The following LPP variants were observed in gnomAD, a reference collection of about 807,000 sequenced individuals.
LPP encodes lipoma-preferred partner.
Under a neutral mutation model 60.4 loss-of-function variants are expected in LPP, and 38 were observed. That is an observed-to-expected ratio of 0.63 (90% CI 0.49 to 0.83). The LOEUF (loss-of-function observed/expected upper bound fraction) is 0.83. LPP is among the 40% of genes least tolerant of loss of function. The probability of loss-of-function intolerance (pLI) is 0.00; values close to 1 mark genes in which losing one functional copy is unlikely to be tolerated. For missense variants in LPP, 902 were observed against 783.6 expected, an observed-to-expected ratio of 1.15 and a Z score of -1.80; for synonymous variants, 328 against 290.8, an observed-to-expected ratio of 1.13 and a Z score of -1.30.
chr3:188,693,468 G>C (rs748628812), intron 7 of LPP, among the ~76,000 whole-genome samples: 9 of 152,098 alleles, frequency 5.9e-5, no homozygotes, highest in African/African-American at 7.2e-5. Flanking sequence ...TCTCTGAAAG[G>C]CATGTTATTT....
At chr3:188,787,798 C>T (rs1742422872) in intron 9 of LPP, among the ~76,000 whole-genome samples, 1 of 152,138 alleles carries the variant, frequency 6.6e-6, no homozygotes, top group African/African-American at 2.4e-5. Flanking sequence ...ATCTGTACTC[C>T]TGAGTTATTT....
At position 188,419,371 on chromosome 3, in the gene LPP, T is replaced by C. The variant is rs370971231; in HGVS notation, c.193+13058T>C. Among the ~76,000 whole-genome samples the C allele has an allele frequency of 2.3e-4, 35 of 152,278 alleles. No individual in the cohort carries two copies. The East Asian group carries it at 3.1e-3, about 13-fold the overall frequency. ...ATAAAGCTTTACTGTACAGCTTCTA[T>C]TTGTGAAGTGACTCCATGGCTAACT... On this transcript the variant is annotated intron_variant, in intron 4 of 11. Coordinates refer to ENST00000617246, the MANE Select transcript of LPP (RefSeq NM_001375462.1).
At chr3:188,198,890 A>G (rs13075345) in intron 1 of LPP, among the ~76,000 whole-genome samples, 2,305 of 152,234 alleles carry the variant, frequency 0.015, 26 homozygotes, top group Non-Finnish European at 0.021. Context: ...CTTTGTTCCA[A>G]TTGTTTATTA....
intron 6 of LPP, among the ~76,000 whole-genome samples, chr3:188,550,839 T>C (rs1273930387): frequency 6.6e-6 from 1 of 152,080 alleles, no homozygotes; most frequent in African/African-American, 2.4e-5. Context: ...GCCTAACCCA[T>C]AGGGTTATGT....
At chr3:188,671,505 C>T (rs73196728) in intron 7 of LPP, among the ~76,000 whole-genome samples, 21,791 of 152,140 alleles carry the variant, frequency 0.14, 2,041 homozygotes, top group Non-Finnish European at 0.21. Context: ...GCCTTCCCCT[C>T]CCCCTTTCCC....
At chr3:188,570,517 A>G (rs556855198) in intron 6 of LPP, among the ~76,000 whole-genome samples, 66 of 152,156 alleles carry the variant, frequency 4.3e-4, no homozygotes, top group Non-Finnish European at 5.6e-4. Context: ...TTAAAGGACA[A>G]TTGGTCTCAG....
chr3:188,240,398 A>G (rs1723852498), intron 2 of LPP, among the ~76,000 whole-genome samples: 3 of 151,680 alleles, frequency 2.0e-5, no homozygotes, highest in East Asian at 1.9e-4. Context: ...AGAGAGAGAA[A>G]GAGGTAAAGA....
intron 2 of LPP, among the ~76,000 whole-genome samples, chr3:188,274,911 A>G (rs778020505): frequency 6.6e-6 from 1 of 152,242 alleles, no homozygotes; most frequent in Non-Finnish European, 1.5e-5. Flanking sequence ...CTATCTAGGA[A>G]TTAATCCTTC....
intron 7 of LPP, among the ~76,000 whole-genome samples, chr3:188,662,317 G>A (rs570107318): frequency 5.0e-4 from 76 of 152,288 alleles, no homozygotes; most frequent in Middle Eastern, 3.4e-3. Flanking sequence ...CCTTTATCCT[G>A]ATGGGTTCAA....
In LPP at chr3:188,519,573, C is replaced by G. The variant is rs139577737; in HGVS notation, c.307-5092C>G. 3.2e-4 allele frequency among the ~76,000 whole-genome samples: 49 copies of G among 152,170 alleles called. No individual in the cohort carries two copies. The East Asian group carries it at 7.7e-3, about 24-fold the overall frequency. The stretch of plus-strand genomic sequence containing the variant: ...TGAGTATGGGTGATATTAGATAATA[C>G]TGTTTCTATGTTAAATTTCTCCAGT... On this transcript the variant is annotated intron_variant, in intron 5 of 11. Transcript: ENST00000617246.
At chr3:188,529,558 G>T (rs1441177076) in intron 6 of LPP, among the ~76,000 whole-genome samples, 1 of 152,026 alleles carries the variant, frequency 6.6e-6, no homozygotes, top group African/African-American at 2.4e-5. Context: ...TGAAAAATGT[G>T]AGCTCTTGAA....
intron 9 of LPP, among the ~76,000 whole-genome samples, chr3:188,804,277 A>ATATATATATATATATATATATATG (rs1388317207): frequency 4.8e-5 from 6 of 126,140 alleles, no homozygotes; most frequent in South Asian, 5.1e-4. Context: ...ATATATATAT[A>ATATATATATATATATATATATATG]TATATAAAAT....
intron 3 of LPP, among the ~76,000 whole-genome samples, chr3:188,360,116 C>T (rs1768833118): frequency 6.6e-6 from 1 of 152,174 alleles, no homozygotes; most frequent in African/African-American, 2.4e-5. Flanking sequence ...TCACTTTCCC[C>T]CCTTCTGTTA....
At chr3:188,666,039 A>G (rs1327675959) in intron 7 of LPP, among the ~76,000 whole-genome samples, 1 of 152,222 alleles carries the variant, frequency 6.6e-6, no homozygotes, top group South Asian at 2.1e-4. Context: ...ATTCTTATTC[A>G]TTTATCCAGT....
At chr3:188,449,582 A>G (rs1006906163) in intron 4 of LPP, among the ~76,000 whole-genome samples, 2 of 152,106 alleles carry the variant, frequency 1.3e-5, no homozygotes, top group African/African-American at 4.8e-5. Context: ...TGAGACACAA[A>G]GAAAGTAACT....
At chr3:188,340,373 C>T (rs548444970) in intron 2 of LPP, among the ~76,000 whole-genome samples, 2 of 148,206 alleles carry the variant, frequency 1.3e-5, no homozygotes, top group Admixed American at 1.3e-4. Context: ...AAGTTTCTTG[C>T]AGGGCATCTG....
intron 4 of LPP, among the ~76,000 whole-genome samples, chr3:188,411,290 G>A (rs1784829039): frequency 6.6e-6 from 1 of 152,094 alleles, no homozygotes; most frequent in African/African-American, 2.4e-5. Flanking sequence ...ATGGTGAAAA[G>A]GGGACACTTT....
chr3:188,846,936 G>A (rs1761590793), intron 9 of LPP, among the ~76,000 whole-genome samples: 1 of 152,136 alleles, frequency 6.6e-6, no homozygotes, highest in Non-Finnish European at 1.5e-5. Context: ...AATAGAAAAG[G>A]TGATCAACCA....
chr3:188,234,898 C>A (rs748540869), intron 2 of LPP, among the ~76,000 whole-genome samples: 15 of 152,160 alleles, frequency 9.9e-5, no homozygotes, highest in Non-Finnish European at 2.1e-4. Context: ...ATTGGATCAG[C>A]CTTACCCCAT....
Sources: allele counts gnomAD v4.1 joint callset (sites outside exome capture counted in the v4.1 genomes callset), GRCh38; gene constraint gnomAD v4.1.1; transcripts MANE v1.5; gene names NCBI Gene and HGNC (gene_info 2026-07-23, HGNC 2026-07-21).